CLCA4: variants seen among roughly 807,000 people sequenced by gnomAD.
The protein encoded by CLCA4 is chloride channel accessory 4.
CLCA4 carries 69 observed loss-of-function variants against 78.9 expected under a neutral mutation model. The observed-to-expected ratio is 0.87, with a 90% CI of 0.72 to 1.07. The LOEUF is 1.07. Among genes scored for constraint, CLCA4 ranks in the 50% least tolerant of loss-of-function variants. The probability of loss-of-function intolerance (pLI) is 0.00; values close to 1 mark genes in which losing one functional copy is unlikely to be tolerated. For synonymous variants in CLCA4, 362 were observed against 375.8 expected, an observed-to-expected ratio of 0.96 and a Z score of 0.42; for missense variants, 1,133 against 1,095.8, an observed-to-expected ratio of 1.03 and a Z score of -0.48.
intron 1 of CLCA4, among the ~76,000 whole-genome samples, chr1:86,553,728 A>T (rs1359211751): frequency 6.6e-6 from 1 of 152,166 alleles, no homozygotes; most frequent in Non-Finnish European, 1.5e-5. Context: ...TGAGGTCAGG[A>T]GTTCGAGACC....
intron 7 of CLCA4, among the ~76,000 whole-genome samples, chr1:86,570,015 A>C (rs1007158602): frequency 3.3e-5 from 5 of 151,994 alleles, no homozygotes; most frequent in Non-Finnish European, 7.4e-5. Context: ...TAAATGTATA[A>C]AAGCATTTTC....
rs761274896 is a variant in CLCA4 at position 86,575,405 on chromosome 1, C to T, written c.1757C>T (p.Ala586Val). 6.2e-7 allele frequency: 1 copy of T among 1,613,226 alleles called. No individual in the cohort carries two copies. Among genetic ancestry groups the T allele is most frequent in the South Asian group, 1.1e-5 (1 of 91,074 alleles). Residue 586 changes from alanine (A) to valine (V), a missense_variant, in exon 11 of 14, where the codon GCA becomes GTA. Ala to Val is a moderately conservative substitution (Grantham distance 64). Transcript: ENST00000370563. ...ETLTITVTSRAANSSVPPITV... is the reference protein window; with the variant it reads ...ETLTITVTSRVANSSVPPITV... ...TTAACTATTACAGTAACTTCTCGAG[C>T]AGCAAATTCTTCTGTGCCTCCAATC...
Position 86,565,815 on chromosome 1 carries a change from G to C in CLCA4, c.749G>C (p.Cys250Ser), listed in dbSNP as rs1446641004. The part of the protein sequence containing the change: ...MQSIDSVVEF[C>S]NEKTHNQEAP... ...TTAACCTTTTAGGTTGTTGAATTTT[G>C]TAACGAAAAAACCCATAATCAAGAA... The change falls in exon 6 of 14, where the codon TGT becomes TCT. Residue 250 changes from cysteine (C) to serine (S), a missense_variant. Cys to Ser is a moderately radical substitution (Grantham distance 112). Transcript: ENST00000370563. 4.0e-6 allele frequency: 6 copies of C among 1,517,352 alleles called. No individual in the cohort carries two copies. The highest frequency in any genetic ancestry group is 5.3e-6 in the Non-Finnish European group (6 of 1,132,424). The allele number at this position is 1,517,352 out of a possible 1,614,324, so 94.0% of individuals were successfully genotyped here.
At chr1:86,563,278 T>A (rs962830981) in intron 3 of CLCA4, among the ~76,000 whole-genome samples, 3 of 151,770 alleles carry the variant, frequency 2.0e-5, no homozygotes, top group Non-Finnish European at 4.4e-5. Flanking sequence ...TTAATGCCTA[T>A]GTGTCTTAAA....
intron 3 of CLCA4, among the ~76,000 whole-genome samples, chr1:86,563,061 T>C (rs1481019800): frequency 1.3e-5 from 2 of 151,878 alleles, no homozygotes; most frequent in Middle Eastern, 3.2e-3. Flanking sequence ...AAATGAAAGT[T>C]CTACTTTCCT....
chr1:86,566,031 T>C lies in CLCA4; in HGVS notation c.954+11T>C. ...TCTGGAAGCATGGGGGTAAGATCAC[T>C]TTTTCTGGATATAGGGATGTAGGAT... On this transcript the variant is annotated intron_variant, in intron 6 of 13. Transcript: ENST00000370563. 1 of 1,603,976 alleles carries C rather than the reference T, an allele frequency of 6.2e-7. No individual in the cohort carries two copies.
chr1:86,555,789 A>T (rs1649822861), intron 1 of CLCA4, among the ~76,000 whole-genome samples: 2 of 152,212 alleles, frequency 1.3e-5, no homozygotes, highest in African/African-American at 4.8e-5. Context: ...TGCTTTGGGC[A>T]ATATAACCAT....
chr1:86,571,387 G>T lies in CLCA4; in HGVS notation c.1360+133G>T. On this transcript the variant is annotated intron_variant, in intron 8 of 13. Transcript: ENST00000370563. ...GGGACCAGACCCAATCTCTGTTCTCGTGGCACTTGGAGTCCAGTTGGCTGG... is the reference window on the plus strand; with the variant it reads ...GGGACCAGACCCAATCTCTGTTCTCTTGGCACTTGGAGTCCAGTTGGCTGG... 2 of 748,466 alleles carry T rather than the reference G, an allele frequency of 2.7e-6. 1 individual carries two copies. The highest frequency in any genetic ancestry group is 4.9e-5 in the South Asian group (2 of 41,118). The allele number at this position is 748,466 out of a possible 1,614,324, so 46.4% of individuals were successfully genotyped here. A position where few individuals can be genotyped will look rare whatever the true frequency, so the allele number is the denominator to read the frequency against.
intron 3 of CLCA4, among the ~76,000 whole-genome samples, chr1:86,563,420 C>A (rs2101802017): frequency 6.6e-6 from 1 of 151,564 alleles, no homozygotes; most frequent in Non-Finnish European, 1.5e-5. Flanking sequence ...ATAGCATATC[C>A]TCCCTTATTG....
At chr1:86,573,870 T>C (rs969779595) in intron 9 of CLCA4, among the ~76,000 whole-genome samples, 2 of 152,062 alleles carry the variant, frequency 1.3e-5, no homozygotes, top group Non-Finnish European at 2.9e-5. Flanking sequence ...CTATACAATA[T>C]AGCAACTGTA....
Position 86,578,084 on chromosome 1 carries a change from A to T in CLCA4, c.2122+12A>T, listed in dbSNP as rs761552122. The T allele has an allele frequency of 4.4e-6, 7 of 1,601,358 alleles. No individual in the cohort carries two copies. The highest frequency in any genetic ancestry group is 8.5e-7 in the Non-Finnish European group (1 of 1,173,376). ...CTGGGTAGTGAACGGTGAGTAACTCATGATATTTATAATCCAGTGATAGTT... is the reference window on the plus strand; with the variant it reads ...CTGGGTAGTGAACGGTGAGTAACTCTTGATATTTATAATCCAGTGATAGTT... On this transcript the variant is annotated intron_variant, in intron 12 of 13. Coordinates refer to ENST00000370563, the MANE Select transcript of CLCA4 (RefSeq NM_012128.4).
chr1:86,571,163 T>C lies in CLCA4; in HGVS notation c.1269T>C (p.Ile423=). ...DGEDNTASSC[I]DEVKQSGAIV... Reference sequence around the variant, plus strand: ...AGGATAACACTGCAAGTTCTTGTATTGATGAAGTGAAACAAAGTGGGGCCA... The same window carrying C: ...AGGATAACACTGCAAGTTCTTGTATCGATGAAGTGAAACAAAGTGGGGCCA... Residue 423 remains isoleucine (I), a synonymous_variant, in exon 8 of 14, where the codon ATT becomes ATC. Coordinates refer to ENST00000370563, the MANE Select transcript of CLCA4 (RefSeq NM_012128.4). 1 of 1,613,080 alleles carries C rather than the reference T, an allele frequency of 6.2e-7. No individual in the cohort carries two copies. Among genetic ancestry groups the C allele is most frequent in the South Asian group, 1.1e-5 (1 of 91,034 alleles).
At chr1:86,567,108 G>A (rs1449959515) in intron 6 of CLCA4, among the ~76,000 whole-genome samples, 1 of 151,870 alleles carries the variant, frequency 6.6e-6, no homozygotes, top group African/African-American at 2.4e-5. Flanking sequence ...AGAGTAATTA[G>A]ACAGTCTCTA....
At chr1:86,560,128 G>A (rs1649972533) in intron 2 of CLCA4, 56 bp downstream of exon 2, 2 of 1,551,682 alleles carry the variant, frequency 1.3e-6, no homozygotes, top group Admixed American at 2.1e-5. Flanking sequence ...AACCATTTTT[G>A]CCACAAATTA....
At chr1:86,555,731 G>A (rs1177872173) in intron 1 of CLCA4, among the ~76,000 whole-genome samples, 1 of 152,068 alleles carries the variant, frequency 6.6e-6, no homozygotes, top group Non-Finnish European at 1.5e-5. Context: ...CTAGTGGTGT[G>A]AAAAATGTTG....
chr1:86,572,784 G>C (rs1175607149), intron 9 of CLCA4, 64 bp downstream of exon 9: 1 of 954,922 alleles, frequency 1.0e-6, no homozygotes, highest in East Asian at 2.4e-5. Flanking sequence ...CCATTTGGTG[G>C]TTATAAGTTT....
rs1345326547 is a variant in CLCA4, at chr1:86,563,771, C to T, written c.557+2C>T. On this transcript the variant is annotated splice_donor_variant, in intron 4 of 13. Coordinates refer to ENST00000370563, the MANE Select transcript of CLCA4 (RefSeq NM_012128.4). LOFTEE classifies it low-confidence loss of function (GC_TO_GT_DONOR). ...GTCAAAAAAAATCGAAGCAACAAGG[C>T]ATGGCTATTTAAATTTTCTAAACTG... is the stretch of plus-strand genomic sequence containing the variant. 2 of 1,547,986 alleles carry T rather than the reference C, an allele frequency of 1.3e-6. No homozygotes were observed. Among genetic ancestry groups the T allele is most frequent in the Admixed American group, 1.8e-5 (1 of 56,396 alleles).
rs538210013 is a variant in CLCA4, at chr1:86,571,018, A to G, written c.1183-59A>G. On this transcript the variant is annotated intron_variant, in intron 7 of 13. Coordinates refer to ENST00000370563, the MANE Select transcript of CLCA4 (RefSeq NM_012128.4). ...CTCTGTAAATTTTTTCTCATTTCCC[A>G]TTTGTCTATTTGATCTAGGAACATC... 7.0e-6 allele frequency: 9 copies of G among 1,278,848 alleles called. No homozygotes were observed. The South Asian group carries it at 1.0e-4, about 14-fold the overall frequency. The allele number at this position is 1,278,848 out of a possible 1,614,324, so 79.2% of individuals were successfully genotyped here.
At position 86,567,234 on chromosome 1, in the gene CLCA4, C is replaced by T. The variant is rs2295634; in HGVS notation, c.955-190C>T. On this transcript the variant is annotated intron_variant, in intron 6 of 13. Coordinates refer to ENST00000370563, the MANE Select transcript of CLCA4 (RefSeq NM_012128.4). ...ATAAAAACCTGCACTCCTTACTATA[C>T]GTGTCCCATAATACACACCACCATT... 4.4e-4 allele frequency among the ~76,000 whole-genome samples: 67 copies of T among 152,042 alleles called. No individual in the cohort carries two copies. In the East Asian group the frequency reaches 0.012, roughly 27 times the overall value.
Sources: allele counts gnomAD v4.1 joint callset (sites outside exome capture counted in the v4.1 genomes callset), GRCh38; gene constraint gnomAD v4.1.1; transcripts MANE v1.5; gene names NCBI Gene and HGNC (gene_info 2026-07-23, HGNC 2026-07-21).